SUGCT: variants seen among roughly 807,000 people sequenced by gnomAD.
The protein encoded by SUGCT is succinyl-CoA:glutarate-CoA transferase.
Under a neutral mutation model 55.0 loss-of-function variants are expected in SUGCT, and 41 were observed. That is an observed-to-expected ratio of 0.74 (90% CI 0.58 to 0.97). The LOEUF (loss-of-function observed/expected upper bound fraction) is 0.97. Among genes scored for constraint, SUGCT ranks in the 50% least tolerant of loss-of-function variants. The probability of loss-of-function intolerance (pLI) is 0.00; values close to 1 mark genes in which losing one functional copy is unlikely to be tolerated. For missense variants in SUGCT, 568 were observed against 547.8 expected (o/e 1.04, Z -0.37); for synonymous variants, 187 against 200.4 (o/e 0.93, Z 0.56).
At chr7:40,307,884 G>T (rs1794923693) in intron 8 of SUGCT, among the ~76,000 whole-genome samples, 1 of 152,170 alleles carries the variant, frequency 6.6e-6, no homozygotes, top group Admixed American at 6.5e-5. Context: ...GACATGTAAA[G>T]TAACAGTATT....
chr7:40,435,600 A>G (rs1370951633), intron 9 of SUGCT, among the ~76,000 whole-genome samples: 1 of 152,016 alleles, frequency 6.6e-6, no homozygotes, highest in Non-Finnish European at 1.5e-5. Context: ...CTCTTATCTG[A>G]TATTCAGCCA....
At chr7:40,353,180 C>T (rs1357771523) in intron 9 of SUGCT, among the ~76,000 whole-genome samples, 1 of 152,100 alleles carries the variant, frequency 6.6e-6, no homozygotes, top group South Asian at 2.1e-4. Context: ...CTGTGTTTCA[C>T]CAAGTTTTCG....
At chr7:40,494,338 T>G (rs1416766792) in intron 11 of SUGCT, among the ~76,000 whole-genome samples, 1 of 152,236 alleles carries the variant, frequency 6.6e-6, no homozygotes, top group Non-Finnish European at 1.5e-5. Context: ...TTTTATTCTT[T>G]CAGCATATAT....
At chr7:40,253,989 T>C (rs1001278391) in intron 7 of SUGCT, among the ~76,000 whole-genome samples, 12 of 152,266 alleles carry the variant, frequency 7.9e-5, no homozygotes, top group Non-Finnish European at 1.2e-4. Flanking sequence ...ATTTATAGAC[T>C]CAATCCCAGT....
intron 12 of SUGCT, among the ~76,000 whole-genome samples, chr7:40,718,447 A>G (rs1172480194): frequency 1.3e-5 from 2 of 152,216 alleles, no homozygotes; most frequent in Admixed American, 1.3e-4. Flanking sequence ...CTGTTTCCAT[A>G]GGTAACAGGG....
chr7:40,298,015 C>G (rs1794278808), intron 8 of SUGCT, among the ~76,000 whole-genome samples: 1 of 151,598 alleles, frequency 6.6e-6, no homozygotes, highest in Non-Finnish European at 1.5e-5. Context: ...CATGTCCTTC[C>G]TTTCCTTTCC....
chr7:40,232,120 C>T (rs1474660289), intron 6 of SUGCT, among the ~76,000 whole-genome samples: 1 of 152,142 alleles, frequency 6.6e-6, no homozygotes, highest in Non-Finnish European at 1.5e-5. Context: ...ATCAGTCAAT[C>T]ACTGTGATCA....
intron 2 of SUGCT, 56 bp downstream of exon 2, chr7:40,181,054 C>G (rs1162859809): frequency 5.4e-6 from 7 of 1,289,166 alleles, no homozygotes; most frequent in Non-Finnish European, 7.8e-6. Context: ...TCCTCAAAAA[C>G]TTTTAATTTT....
chr7:40,920,322 G>A, the SUGCT span, among the ~76,000 whole-genome samples: 3,821 of 152,232 alleles, frequency 0.025, 155 homozygotes, highest in African/African-American at 0.086. Context: ...TCTTCTGTGA[G>A]GAAAGTATGC....
intron 7 of SUGCT, among the ~76,000 whole-genome samples, chr7:40,271,306 A>G (rs1307214097): frequency 1.3e-5 from 2 of 151,938 alleles, no homozygotes; most frequent in Non-Finnish European, 2.9e-5. Context: ...TTTCTTTTGT[A>G]AAATATATAG....
chr7:40,555,234 T>A (rs2151648596), intron 12 of SUGCT, among the ~76,000 whole-genome samples: 1 of 151,628 alleles, frequency 6.6e-6, no homozygotes, highest in East Asian at 1.9e-4. Flanking sequence ...AGGAAATGGA[T>A]GGGAGGATGG....
In SUGCT at chr7:40,237,749, T is replaced by G. The variant is rs762622691; in HGVS notation, c.576+23T>G. 5.7e-6 allele frequency: 9 copies of G among 1,590,618 alleles called. No individual in the cohort carries two copies. In the South Asian group the frequency reaches 9.9e-5, roughly 18 times the overall value. ...GAGGTAGGTATCCTTCCTTAGAATATTCATAATTTCTTCCCTTACATATTC... is the reference window on the plus strand; with the variant it reads ...GAGGTAGGTATCCTTCCTTAGAATAGTCATAATTTCTTCCCTTACATATTC... On this transcript the variant is annotated intron_variant, in intron 7 of 13. Transcript: ENST00000335693.
chr7:40,253,897 G>A (rs10951629), intron 7 of SUGCT, among the ~76,000 whole-genome samples: 52,032 of 152,060 alleles, frequency 0.34, 9,127 homozygotes, highest in East Asian at 0.47. Flanking sequence ...AAACAAGCAT[G>A]TTTTTCTACC....
intron 11 of SUGCT, among the ~76,000 whole-genome samples, chr7:40,486,539 G>A (rs1791360640): frequency 6.6e-6 from 1 of 151,654 alleles, no homozygotes; most frequent in South Asian, 2.1e-4. Flanking sequence ...TGCTTTTTTA[G>A]TTCCATGAGG....
At chr7:40,241,298 A>T (rs1364339684) in intron 7 of SUGCT, among the ~76,000 whole-genome samples, 7 of 151,998 alleles carry the variant, frequency 4.6e-5, no homozygotes, top group Non-Finnish European at 5.9e-5. Context: ...TAGTATAGGG[A>T]CTGGGCATGG....
the SUGCT span, among the ~76,000 whole-genome samples, chr7:40,893,327 CA>C: frequency 6.6e-6 from 1 of 152,092 alleles, no homozygotes; most frequent in African/African-American, 2.4e-5. Flanking sequence ...TGTTATAGAT[CA>C]AATGGATCAA....
chr7:40,635,644 G>C (rs1191828263), intron 12 of SUGCT, among the ~76,000 whole-genome samples: 2 of 152,190 alleles, frequency 1.3e-5, no homozygotes, highest in African/African-American at 2.4e-5. Context: ...TTTCAGTCCT[G>C]TTGTTGCCAG....
intron 6 of SUGCT, among the ~76,000 whole-genome samples, chr7:40,210,127 G>C (rs141220160): frequency 1.0e-3 from 153 of 151,950 alleles, no homozygotes; most frequent in African/African-American, 3.5e-3. Context: ...ACCCAGGCTG[G>C]AGTGCAGTGG....
intron 12 of SUGCT, among the ~76,000 whole-genome samples, chr7:40,720,637 T>G (rs1214874484): frequency 6.6e-6 from 1 of 152,180 alleles, no homozygotes; most frequent in Non-Finnish European, 1.5e-5. Flanking sequence ...AGAATAAGAT[T>G]AGTGTAATGT....
Sources: gnomAD v4.1 joint callset for allele counts (sites outside exome capture counted in the v4.1 genomes callset) on GRCh38, gnomAD v4.1.1 for gene constraint, MANE v1.5 for transcripts, NCBI Gene and HGNC (gene_info 2026-07-23, HGNC 2026-07-21) for gene names.